The following PLEKHM2 variants were observed in gnomAD, a reference collection of about 807,000 sequenced individuals.
The protein encoded by PLEKHM2 is pleckstrin homology and RUN domain containing M2.
Under a neutral mutation model 116.3 loss-of-function variants are expected in PLEKHM2, and 77 were observed. The ratio of observed to expected loss-of-function variants is 0.66; its 90% confidence interval spans 0.55 to 0.80. The LOEUF is 0.80. Ranked by LOEUF, PLEKHM2 falls within the 30% of genes least tolerant of loss-of-function variation. The probability of loss-of-function intolerance (pLI) is 0.00; values close to 1 mark genes in which losing one functional copy is unlikely to be tolerated. For missense variants in PLEKHM2, 1,183 were observed against 1,354.9 expected (o/e 0.87, Z 1.99); for synonymous variants, 562 against 571.0 (o/e 0.98, Z 0.22).
intron 1 of PLEKHM2, among the ~76,000 whole-genome samples, chr1:15,714,349 A>T (rs918989547): frequency 1.1e-4 from 7 of 63,450 alleles, no homozygotes; most frequent in African/African-American, 2.6e-4. Context: ...TTTTGAAATT[A>T]AAAAAAAAAA....
Position 15,727,149 on chromosome 1 carries a change from C to G in PLEKHM2, c.1077C>G (p.Ser359Arg), listed in dbSNP as rs748876946. 1.3e-5 allele frequency: 21 copies of G among 1,597,444 alleles called. No homozygotes were observed. Among genetic ancestry groups the G allele is most frequent in the Non-Finnish European group, 1.6e-5 (19 of 1,171,596 alleles). ...GTGACAGCCGCAACGGCAGCCCAAGCCTTGGGCGGGACTCGCCAGACACTA... is the reference window on the plus strand; with the variant it reads ...GTGACAGCCGCAACGGCAGCCCAAGGCTTGGGCGGGACTCGCCAGACACTA... The part of the protein sequence containing the change: ...GDGDSRNGSP[S>R]LGRDSPDTML... Residue 359 changes from serine (S) to arginine (R), a missense_variant, in exon 9 of 20, where the codon AGC becomes AGG. Ser to Arg is a moderately radical substitution (Grantham distance 110, BLOSUM62 -1). Coordinates refer to ENST00000375799, the MANE Select transcript of PLEKHM2 (RefSeq NM_015164.4). This position sits in a 1 kb window ranked among gnomAD's most constrained non-coding sequence, Gnocchi z 7.5.
At chr1:15,694,063 A>C (rs1414206917) in intron 1 of PLEKHM2, among the ~76,000 whole-genome samples, 3 of 152,150 alleles carry the variant, frequency 2.0e-5, no homozygotes, top group Non-Finnish European at 2.9e-5. Context: ...CTGATAAAAC[A>C]GGTTTCTTGG....
intron 1 of PLEKHM2, among the ~76,000 whole-genome samples, chr1:15,703,861 G>C (rs1348356306): frequency 1.3e-5 from 2 of 152,188 alleles, no homozygotes; most frequent in Non-Finnish European, 2.9e-5. Flanking sequence ...GGGAGAGTCT[G>C]GGATGAGCTG....
At chr1:15,698,176 G>A (rs1265849619) in intron 1 of PLEKHM2, among the ~76,000 whole-genome samples, 1 of 151,984 alleles carries the variant, frequency 6.6e-6, no homozygotes, top group Non-Finnish European at 1.5e-5. Flanking sequence ...CATCGCTGAA[G>A]GACAGCATTT....
chr1:15,710,264 A>G (rs909637616), intron 1 of PLEKHM2, among the ~76,000 whole-genome samples: 3 of 151,980 alleles, frequency 2.0e-5, no homozygotes, highest in African/African-American at 7.3e-5. Context: ...CAAATCCAGA[A>G]GAAAATTGTA....
chr1:15,716,741 G>A lies in PLEKHM2; in HGVS notation c.202G>A (p.Val68Met), dbSNP rs1376869605. ...QDLSSGYWVL[V>M]VHFTRREAIK... Reference sequence around the variant, plus strand: ...CCTCTCCTCTGGCTACTGGGTGCTCGTGGTGCATTTTACTCGGAGAGAGGC... The same window carrying A: ...CCTCTCCTCTGGCTACTGGGTGCTCATGGTGCATTTTACTCGGAGAGAGGC... The change falls in exon 3 of 20, where the codon GTG becomes ATG. Residue 68 changes from valine (V) to methionine (M), a missense_variant. Coordinates refer to ENST00000375799, the MANE Select transcript of PLEKHM2 (RefSeq NM_015164.4). The A allele has an allele frequency of 5.7e-6, 9 of 1,578,438 alleles. No individual in the cohort carries two copies. Among genetic ancestry groups the A allele is most frequent in the Middle Eastern group, 1.7e-4 (1 of 6,038 alleles).
chr1:15,709,229 T>C (rs1382218983), intron 1 of PLEKHM2, among the ~76,000 whole-genome samples: 1 of 152,182 alleles, frequency 6.6e-6, no homozygotes, highest in African/African-American at 2.4e-5. Flanking sequence ...CAAAGAGTAA[T>C]TTGGCATAAA....
In PLEKHM2 at chr1:15,713,570, C is replaced by A. The variant is rs896191245; in HGVS notation, c.61-2667C>A. ...CTGTAAATACACAAATATACACATT[C>A]TTTTCCATGTGGGAATTATAATTCA... On this transcript the variant is annotated intron_variant, in intron 1 of 19. Coordinates refer to ENST00000375799, the MANE Select transcript of PLEKHM2 (RefSeq NM_015164.4). 2.0e-5 allele frequency among the ~76,000 whole-genome samples: 3 copies of A among 152,098 alleles called. No individual in the cohort carries two copies. The East Asian group carries it at 5.8e-4, about 29-fold the overall frequency.
At chr1:15,701,113 C>A (rs1298361022) in intron 1 of PLEKHM2, among the ~76,000 whole-genome samples, 880 of 81,318 alleles carry the variant, frequency 0.011, no homozygotes, top group Admixed American at 0.016. Context: ...AACTCTGTCT[C>A]AAAAAAAAAA....
chr1:15,703,155 C>G (rs1224308855), intron 1 of PLEKHM2, among the ~76,000 whole-genome samples: 1 of 152,210 alleles, frequency 6.6e-6, no homozygotes, highest in East Asian at 1.9e-4. Context: ...CTGCTGTTAC[C>G]TGGCGGCCTT....
chr1:15,694,303 C>T (rs566517386), intron 1 of PLEKHM2, among the ~76,000 whole-genome samples: 7 of 151,928 alleles, frequency 4.6e-5, no homozygotes, highest in African/African-American at 7.2e-5. Flanking sequence ...GAGCCAAGAT[C>T]GCGCCACTGT....
intron 1 of PLEKHM2, among the ~76,000 whole-genome samples, chr1:15,710,207 A>T (rs2148350377): frequency 6.8e-6 from 1 of 146,812 alleles, no homozygotes; most frequent in Admixed American, 6.8e-5. Flanking sequence ...AGCCTGGGCG[A>T]CAGAGCGAGA....
Position 15,719,932 on chromosome 1 carries a change from C to T in PLEKHM2, c.652+12C>T. ...CCCATCTAGTGAGGGTGAGTGGCCC[C>T]AGGGCAGAAAAGCTAAGCCCCTGTT... On this transcript the variant is annotated intron_variant, in intron 6 of 19. Coordinates refer to ENST00000375799, the MANE Select transcript of PLEKHM2 (RefSeq NM_015164.4). This position sits in a 1 kb window ranked among gnomAD's most constrained non-coding sequence, Gnocchi z 4.1. 1.2e-6 allele frequency: 2 copies of T among 1,605,840 alleles called. No individual in the cohort carries two copies. The highest frequency in any genetic ancestry group is 1.7e-6 in the Non-Finnish European group (2 of 1,174,804).
intron 7 of PLEKHM2, chr1:15,722,682 G>A (rs2068011382): frequency 6.6e-6 from 1 of 152,180 alleles, no homozygotes; most frequent in Non-Finnish European, 1.5e-5. Context: ...ATAAGATGTG[G>A]CATTGGGAAA....
Position 15,724,607 on chromosome 1 carries a change from G to A in PLEKHM2, c.713-710G>A, listed in dbSNP as rs143434335. Among the ~76,000 whole-genome samples, 760 of 152,154 alleles carry A rather than the reference G, an allele frequency of 5.0e-3. 5 individuals carry two copies. The highest frequency in any genetic ancestry group is 0.038 in the Middle Eastern group (11 of 292). On this transcript the variant is annotated intron_variant, in intron 7 of 19. Coordinates refer to ENST00000375799, the MANE Select transcript of PLEKHM2 (RefSeq NM_015164.4). The stretch of plus-strand genomic sequence containing the variant: ...GAAGCAGCCTGGGGGGCGGCCTCTC[G>A]GACCCCTGTCTTTGCCCCTTCGCAC...
Position 15,728,708 on chromosome 1 carries a change from C to G in PLEKHM2, c.1961C>G (p.Ser654Cys). Residue 654 changes from serine to cysteine, a missense_variant, in exon 12 of 20, where the codon TCT becomes TGT. By Grantham distance (112) the Ser-to-Cys change is moderately radical (BLOSUM62 -1). This residue lies in a region of PLEKHM2 where 594 missense variants were observed against 720.1 expected (regional missense o/e 0.82). Transcript: ENST00000375799. This position sits in a 1 kb window ranked among gnomAD's most constrained non-coding sequence, Gnocchi z 5.9. ...CCATACCTGGTGGAAGAGGCCGTTT[C>G]TTACAATGAACTTGACTATGTGTCG... The part of the protein sequence containing the change: ...EKPYLVEEAV[S>C]YNELDYVSVG... 1 of 1,611,476 alleles carries G rather than the reference C, an allele frequency of 6.2e-7. No homozygotes were observed. Among genetic ancestry groups the G allele is most frequent in the Non-Finnish European group, 8.5e-7 (1 of 1,178,850 alleles).
intron 1 of PLEKHM2, among the ~76,000 whole-genome samples, chr1:15,692,329 C>T (rs1026256492): frequency 1.2e-4 from 18 of 152,212 alleles, no homozygotes; most frequent in East Asian, 1.9e-4. Context: ...TCTACACACA[C>T]GTTACAAACT....
intron 17 of PLEKHM2, 101 bp downstream of exon 17, chr1:15,732,149 C>A: frequency 1.7e-6 from 2 of 1,176,862 alleles, no homozygotes; most frequent in Non-Finnish European, 2.4e-6. Flanking sequence ...ACCTGAGGGC[C>A]AAGACGGACC....
At chr1:15,712,952 C>T (rs949367295) in intron 1 of PLEKHM2, among the ~76,000 whole-genome samples, 3 of 152,154 alleles carry the variant, frequency 2.0e-5, no homozygotes, top group African/African-American at 7.2e-5. Context: ...AGGAATGTGC[C>T]ACCACACCCA....
Sources: allele counts gnomAD v4.1 joint callset (sites outside exome capture counted in the v4.1 genomes callset), GRCh38; gene constraint gnomAD v4.1.1; regional missense constraint gnomAD v4.1.1; non-coding constraint Gnocchi (gnomAD v3.1); transcripts MANE v1.5; gene names NCBI Gene and HGNC (gene_info 2026-07-23, HGNC 2026-07-21).